The following GLI3 variants were observed in gnomAD, a reference collection of about 807,000 sequenced individuals.
GLI3 encodes the protein transcription activator GLI3.
Under a neutral mutation model 100.8 loss-of-function variants are expected in GLI3, and 20 were observed. The ratio of observed to expected loss-of-function variants is 0.20; its 90% CI spans 0.14 to 0.29. The LOEUF is 0.29. Among genes scored for constraint, GLI3 ranks in the 10% least tolerant of loss-of-function variants. The pLI, the probability that GLI3 is intolerant of heterozygous loss-of-function variation, is 1.00. For synonymous variants in GLI3, 938 were observed against 860.5 expected (o/e 1.09, Z -1.58); for missense variants, 2,040 against 2,128.5 (o/e 0.96, Z 0.82).
chr7:42,042,881 G>GT (rs1784173096), intron 6 of GLI3, among the ~76,000 whole-genome samples: 1 of 152,130 alleles, frequency 6.6e-6, no homozygotes, highest in African/African-American at 2.4e-5. Flanking sequence ...CTTATAGGGA[G>GT]TATTTGTTCT....
chr7:42,170,395 A>ATT (rs1787344629), intron 2 of GLI3, among the ~76,000 whole-genome samples: 1 of 124,894 alleles, frequency 8.0e-6, no homozygotes, highest in Admixed American at 8.6e-5. Context: ...GAACTTACTG[A>ATT]TCTTTTTTTT....
chr7:42,009,480 CTTT>C (rs3030324), intron 10 of GLI3, among the ~76,000 whole-genome samples: 5,419 of 118,532 alleles, frequency 0.046, 103 homozygotes, highest in African/African-American at 0.13. Context: ...GCAAATTGTT[CTTT>C]TTTTTTTTTT....
chr7:42,021,837 G>C (rs1209763927), intron 10 of GLI3, among the ~76,000 whole-genome samples: 2 of 152,204 alleles, frequency 1.3e-5, no homozygotes, highest in South Asian at 4.1e-4. Context: ...CTTCATGTTT[G>C]TTGGTCATTC....
chr7:42,135,905 T>C (rs1047477513), intron 3 of GLI3, among the ~76,000 whole-genome samples: 2 of 152,186 alleles, frequency 1.3e-5, no homozygotes, highest in Admixed American at 6.5e-5. Flanking sequence ...TCTCTCCCCC[T>C]GCCACATGTA....
chr7:42,132,979 T>G (rs1036608260), intron 3 of GLI3, among the ~76,000 whole-genome samples: 15 of 152,140 alleles, frequency 9.9e-5, no homozygotes, highest in African/African-American at 3.4e-4. Flanking sequence ...TTCAAATCTT[T>G]GCACATCACC....
At chr7:42,191,648 T>A (rs1290559010) in intron 2 of GLI3, among the ~76,000 whole-genome samples, 5 of 143,878 alleles carry the variant, frequency 3.5e-5, no homozygotes, top group Non-Finnish European at 7.6e-5. Flanking sequence ...GAAACTCCGT[T>A]TCAAAAAATA....
intron 10 of GLI3, among the ~76,000 whole-genome samples, chr7:41,987,648 AAGCCAAAAAACAT>A (rs779080950): frequency 4.6e-5 from 7 of 152,356 alleles, no homozygotes; most frequent in Non-Finnish European, 1.0e-4. Context: ...TAACAGAACA[AAGCCAAAAAACAT>A]CATACGCTAA....
intron 2 of GLI3, among the ~76,000 whole-genome samples, chr7:42,149,657 T>C (rs374774491): frequency 1.3e-4 from 20 of 152,196 alleles, no homozygotes; most frequent in African/African-American, 4.8e-4. Context: ...CCGTTTCCTA[T>C]TCCTATCTTA....
rs185669191 is a variant in GLI3, at chr7:42,257,840, G to A, written c.-43+6154C>T. ...TTTTTATCATTTAGTCCATTACTAT[G>A]GTATATTATATCCATTGCTTTTTGT... On this transcript the variant is annotated intron_variant, in intron 1 of 2. Transcript: ENST00000678978. 4.2e-3 allele frequency among the ~76,000 whole-genome samples: 631 copies of A among 152,004 alleles called. 3 individuals carry two copies. The highest frequency in any genetic ancestry group is 0.014 in the African/African-American group (590 of 41,440).
chr7:42,113,328 T>A, intron 3 of GLI3: 1 of 625,742 alleles, frequency 1.6e-6, no homozygotes. Context: ...CCACATCCTG[T>A]GCCCAGCACC....
intron 1 of GLI3, among the ~76,000 whole-genome samples, chr7:42,258,791 A>T (rs1338530892): frequency 6.6e-6 from 1 of 152,100 alleles, no homozygotes; most frequent in Non-Finnish European, 1.5e-5. Flanking sequence ...TGCCCTCCTG[A>T]CCTAATCACC....
intron 13 of GLI3, among the ~76,000 whole-genome samples, chr7:41,969,813 A>T (rs1787319601): frequency 6.6e-6 from 1 of 152,238 alleles, no homozygotes; most frequent in Non-Finnish European, 1.5e-5. Flanking sequence ...CAACAAATAA[A>T]GCCAGATCTT....
intron 10 of GLI3, among the ~76,000 whole-genome samples, chr7:41,997,599 C>T (rs528946833): frequency 7.2e-5 from 11 of 152,272 alleles, no homozygotes; most frequent in Middle Eastern, 3.4e-3. Context: ...TCTGGCTGGA[C>T]GTTGTGTGTG....
intron 4 of GLI3, among the ~76,000 whole-genome samples, chr7:42,076,510 C>G (rs544957680): frequency 1.3e-5 from 2 of 152,164 alleles, no homozygotes; most frequent in African/African-American, 4.8e-5. Flanking sequence ...ACAGAACACA[C>G]GTCAGCAAAA....
At chr7:42,141,735 C>T (rs73327505) in intron 3 of GLI3, among the ~76,000 whole-genome samples, 4,032 of 152,224 alleles carry the variant, frequency 0.026, 131 homozygotes, top group African/African-American at 0.08. Flanking sequence ...ATACTTTGTA[C>T]ATTGCCTGCT....
chr7:42,075,790 G>C (rs1784867037), intron 4 of GLI3, among the ~76,000 whole-genome samples: 1 of 152,224 alleles, frequency 6.6e-6, no homozygotes, highest in Non-Finnish European at 1.5e-5. Flanking sequence ...TGGGCATGTA[G>C]TTAGGATTGT....
intron 3 of GLI3, among the ~76,000 whole-genome samples, chr7:42,127,703 A>C (rs186915201): frequency 6.6e-6 from 1 of 152,372 alleles, no homozygotes; most frequent in Admixed American, 6.5e-5. Flanking sequence ...CATTAAAATG[A>C]ACCATGTTAA....
intron 3 of GLI3, among the ~76,000 whole-genome samples, chr7:42,088,219 A>G (rs771886922): frequency 1.3e-5 from 2 of 152,234 alleles, no homozygotes; most frequent in Non-Finnish European, 2.9e-5. Context: ...TATCATCTGA[A>G]GGAGTCCGAA....
chr7:42,119,148 C>T (rs188205837), intron 3 of GLI3, among the ~76,000 whole-genome samples: 14 of 152,294 alleles, frequency 9.2e-5, no homozygotes, highest in Admixed American at 2.0e-4. Flanking sequence ...CTCTGACTCC[C>T]GCACTGTATT....
Sources: gnomAD v4.1 joint callset for allele counts (sites outside exome capture counted in the v4.1 genomes callset) on GRCh38, gnomAD v4.1.1 for gene constraint, MANE v1.5 for transcripts, NCBI Gene and HGNC (gene_info 2026-07-23, HGNC 2026-07-21) for gene names.